The following TSPAN18 variants were observed in gnomAD, a reference collection of about 807,000 sequenced individuals.
TSPAN18 encodes tetraspanin-18.
Under a neutral mutation model 27.3 loss-of-function variants are expected in TSPAN18, and 14 were observed. The observed-to-expected ratio is 0.51, with a 90% CI of 0.34 to 0.80. The LOEUF is 0.80. Ranked by LOEUF, TSPAN18 falls within the 30% of genes least tolerant of loss-of-function variation. The pLI is 0.01. For missense variants in TSPAN18, 268 were observed against 323.9 expected (o/e 0.83, Z 1.32); for synonymous variants, 143 against 136.5 (o/e 1.05, Z -0.33).
intron 3 of TSPAN18, among the ~76,000 whole-genome samples, chr11:44,877,497 A>G (rs1858369329): frequency 6.6e-6 from 1 of 152,122 alleles, no homozygotes; most frequent in African/African-American, 2.4e-5. Context: ...AGCCTCAGCC[A>G]GGACCCGCTC....
At chr11:44,852,134 C>T (rs1241930323) in intron 2 of TSPAN18, among the ~76,000 whole-genome samples, 2 of 152,200 alleles carry the variant, frequency 1.3e-5, no homozygotes, top group Non-Finnish European at 2.9e-5. Flanking sequence ...ACCCATTGGT[C>T]GAGTACTGTA....
chr11:44,907,660 G>A (rs967812690), intron 4 of TSPAN18, among the ~76,000 whole-genome samples: 2 of 152,116 alleles, frequency 1.3e-5, no homozygotes, highest in African/African-American at 4.8e-5. Flanking sequence ...AAATGGAGCT[G>A]GGCCCTCCTT....
chr11:44,814,288 G>A (rs1856777242), intron 2 of TSPAN18, among the ~76,000 whole-genome samples: 1 of 152,054 alleles, frequency 6.6e-6, no homozygotes, highest in Non-Finnish European at 1.5e-5. Flanking sequence ...TTTCTTGGAA[G>A]AAAGAATATT....
intron 2 of TSPAN18, among the ~76,000 whole-genome samples, chr11:44,856,022 AC>A (rs1218697290): frequency 4.6e-5 from 7 of 151,726 alleles, no homozygotes; most frequent in Non-Finnish European, 1.0e-4. Flanking sequence ...AGCTGGGACT[AC>A]CAGTTGTGTA....
At chr11:44,733,716 T>C (rs1426553379) in intron 1 of TSPAN18, among the ~76,000 whole-genome samples, 1 of 152,094 alleles carries the variant, frequency 6.6e-6, no homozygotes, top group Non-Finnish European at 1.5e-5. Context: ...GGGAGAGCCA[T>C]AAGAATTTGG....
At chr11:44,777,814 C>G (rs970703428) in intron 2 of TSPAN18, among the ~76,000 whole-genome samples, 1 of 152,082 alleles carries the variant, frequency 6.6e-6, no homozygotes, top group Non-Finnish European at 1.5e-5. Flanking sequence ...TCCGGGTAGA[C>G]GTGCCAATTT....
At chr11:44,861,271 C>G (rs1167432494) in intron 3 of TSPAN18, among the ~76,000 whole-genome samples, 1 of 151,848 alleles carries the variant, frequency 6.6e-6, no homozygotes, top group Non-Finnish European at 1.5e-5. Flanking sequence ...ATCCCAAAGT[C>G]AAGGCTTATT....
chr11:44,870,404 C>T (rs1242651258), intron 3 of TSPAN18, among the ~76,000 whole-genome samples: 1 of 152,200 alleles, frequency 6.6e-6, no homozygotes, highest in Non-Finnish European at 1.5e-5. Context: ...CCACAGCCAG[C>T]TAAGGCCAAG....
chr11:44,797,762 G>A (rs1565153854), intron 2 of TSPAN18, among the ~76,000 whole-genome samples: 1 of 152,132 alleles, frequency 6.6e-6, no homozygotes, highest in Non-Finnish European at 1.5e-5. Context: ...GCTCCTAAAG[G>A]CATGAAAGTG....
rs140176027 is a variant in TSPAN18, at chr11:44,915,267, A to G, written c.259-2705A>G. 5.5e-3 allele frequency among the ~76,000 whole-genome samples: 841 copies of G among 152,320 alleles called. 14 individuals are homozygous for G. Among genetic ancestry groups the G allele is most frequent in the African/African-American group, 0.019 (796 of 41,572 alleles). On this transcript the variant is annotated intron_variant, in intron 5 of 9. Coordinates refer to ENST00000520358, the MANE Select transcript of TSPAN18 (RefSeq NM_130783.5). ...AGCGGATGGCCATCCATCACCAGCC[A>G]AATGGAAATGCCAGGACCCCTGCCA...
chr11:44,820,006 G>A (rs561198670), intron 2 of TSPAN18, among the ~76,000 whole-genome samples: 12 of 152,256 alleles, frequency 7.9e-5, no homozygotes, highest in South Asian at 4.1e-4. Context: ...CACTAGCGCC[G>A]GCCAAGGAGG....
chr11:44,729,780 T>C (rs1854607243), intron 1 of TSPAN18, among the ~76,000 whole-genome samples: 1 of 152,036 alleles, frequency 6.6e-6, no homozygotes, highest in African/African-American at 2.4e-5. Context: ...CTTTAAAAAA[T>C]GAGATTTTAA....
chr11:44,805,597 A>T (rs1856574991), intron 2 of TSPAN18, among the ~76,000 whole-genome samples: 1 of 152,180 alleles, frequency 6.6e-6, no homozygotes, highest in Non-Finnish European at 1.5e-5. Context: ...CTCCCTGGTC[A>T]TCCATGTTTG....
At chr11:44,854,133 T>C (rs1247400498) in intron 2 of TSPAN18, among the ~76,000 whole-genome samples, 1 of 140,608 alleles carries the variant, frequency 7.1e-6, no homozygotes, top group African/African-American at 2.6e-5. Context: ...GCTGAACATT[T>C]ATACACATAC....
chr11:44,755,356 C>T (rs1020668805), intron 1 of TSPAN18, among the ~76,000 whole-genome samples: 1 of 152,098 alleles, frequency 6.6e-6, no homozygotes, highest in African/African-American at 2.4e-5. Context: ...CCCTGAGGCA[C>T]AATTAACCAG....
At chr11:44,753,723 C>T (rs1305142340) in intron 1 of TSPAN18, among the ~76,000 whole-genome samples, 1 of 152,138 alleles carries the variant, frequency 6.6e-6, no homozygotes, top group African/African-American at 2.4e-5. Context: ...AGTGAATACA[C>T]ATGGATTTTA....
At chr11:44,791,232 C>G (rs1384193964) in intron 2 of TSPAN18, among the ~76,000 whole-genome samples, 1 of 152,178 alleles carries the variant, frequency 6.6e-6, no homozygotes, top group Non-Finnish European at 1.5e-5. Context: ...TGGGAAAGTG[C>G]CCTGGACGTA....
chr11:44,802,185 T>C (rs1212183287), intron 2 of TSPAN18, among the ~76,000 whole-genome samples: 2 of 151,244 alleles, frequency 1.3e-5, no homozygotes, highest in Admixed American at 1.3e-4. Context: ...GTTTGGGAAA[T>C]GGACAGTGGA....
intron 5 of TSPAN18, among the ~76,000 whole-genome samples, chr11:44,916,960 G>A (rs1054176428): frequency 2.0e-5 from 3 of 152,254 alleles, no homozygotes; most frequent in Non-Finnish European, 4.4e-5. Context: ...TCAGCCCAAA[G>A]GAAACCACAC....
Sources: gnomAD v4.1 joint callset for allele counts (sites outside exome capture counted in the v4.1 genomes callset) on GRCh38, gnomAD v4.1.1 for gene constraint, MANE v1.5 for transcripts, NCBI Gene and HGNC (gene_info 2026-07-23, HGNC 2026-07-21) for gene names.